NRG1: variants seen among roughly 807,000 people sequenced by gnomAD.
The protein encoded by NRG1 is pro-neuregulin-1, membrane-bound isoform.
NRG1 carries 18 observed loss-of-function variants against 63.8 expected under a neutral mutation model. The observed-to-expected ratio is 0.28, with a 90% CI of 0.19 to 0.42. The LOEUF (loss-of-function observed/expected upper bound fraction) is 0.42, where lower values mean the gene tolerates loss of function less well. NRG1 is among the 10% of genes least tolerant of loss of function. The pLI, the probability that NRG1 is intolerant of heterozygous loss-of-function variation, is 1.00. For missense variants in NRG1, 762 were observed against 814.7 expected (o/e 0.94, Z 0.79); for synonymous variants, 302 against 301.3 (o/e 1.00, Z -0.02).
chr8:32,631,655 C>A (rs1691586419), intron 5 of NRG1, among the ~76,000 whole-genome samples: 1 of 152,100 alleles, frequency 6.6e-6, no homozygotes, highest in Non-Finnish European at 1.5e-5. Flanking sequence ...ATGACATATG[C>A]ATTAATCACT....
intron 1 of NRG1, among the ~76,000 whole-genome samples, chr8:32,487,171 A>G (rs1826009045): frequency 6.6e-6 from 1 of 151,998 alleles, no homozygotes; most frequent in Admixed American, 6.5e-5. Context: ...AAAATAACGT[A>G]AAACAGTGTT....
At chr8:32,365,062 A>C (rs544064525) in intron 1 of NRG1, among the ~76,000 whole-genome samples, 1 of 146,946 alleles carries the variant, frequency 6.8e-6, no homozygotes, top group African/African-American at 2.5e-5. Flanking sequence ...GGGCTCAAGC[A>C]ATCTGCCCAC....
intron 1 of NRG1, among the ~76,000 whole-genome samples, chr8:31,826,008 G>A (rs575267512): frequency 3.7e-4 from 56 of 152,252 alleles, no homozygotes; most frequent in African/African-American, 1.2e-3. Context: ...TGGAAATCAA[G>A]AAAAGTTCAC....
chr8:32,205,799 A>G (rs1249210245), intron 1 of NRG1, among the ~76,000 whole-genome samples: 1 of 152,044 alleles, frequency 6.6e-6, no homozygotes, highest in East Asian at 1.9e-4. Context: ...AAGAAACAAA[A>G]ATAAGGAATG....
At chr8:32,759,401 T>C in exon 10 of NRG1, 6 of 1,613,970 alleles carry the variant, frequency 3.7e-6, no homozygotes, top group Admixed American at 1.7e-5. Flanking sequence ...CCACAGCCCA[T>C]CACTCCACTA....
chr8:32,685,091 A>G (rs994173663), intron 5 of NRG1, among the ~76,000 whole-genome samples: 3 of 152,162 alleles, frequency 2.0e-5, no homozygotes, highest in Admixed American at 6.6e-5. Context: ...CAACATACGG[A>G]ATATTTTCAT....
intron 1 of NRG1, among the ~76,000 whole-genome samples, chr8:32,101,377 A>G (rs1222249106): frequency 6.6e-6 from 1 of 152,136 alleles, no homozygotes; most frequent in Non-Finnish European, 1.5e-5. Flanking sequence ...TGCTCAAAAC[A>G]TAGGAAACAA....
At chr8:32,257,990 T>A (rs1849924137) in intron 1 of NRG1, among the ~76,000 whole-genome samples, 1 of 152,240 alleles carries the variant, frequency 6.6e-6, no homozygotes, top group African/African-American at 2.4e-5. Context: ...ATTTAATAGC[T>A]ATAGTCCAAG....
chr8:32,566,003 G>C (rs770042918), intron 1 of NRG1, among the ~76,000 whole-genome samples: 3 of 152,112 alleles, frequency 2.0e-5, no homozygotes, highest in Non-Finnish European at 4.4e-5. Context: ...GCACACCTAG[G>C]CATGTAGAAA....
intron 1 of NRG1, among the ~76,000 whole-genome samples, chr8:31,718,119 T>C (rs1487825501): frequency 6.6e-6 from 1 of 152,228 alleles, no homozygotes; most frequent in African/African-American, 2.4e-5. Context: ...ATCATTTTTT[T>C]GTAAGGAGTG....
chr8:32,317,653 G>A (rs1324929685), intron 1 of NRG1, among the ~76,000 whole-genome samples: 2 of 152,120 alleles, frequency 1.3e-5, no homozygotes, highest in African/African-American at 4.8e-5. Context: ...CTCCTAGCTC[G>A]AAATCACAGA....
At chr8:31,859,446 C>T (rs776401) in intron 1 of NRG1, among the ~76,000 whole-genome samples, 106,423 of 152,014 alleles carry the variant, frequency 0.7, 37,828 homozygotes, top group East Asian at 0.92. Context: ...ACCTGTACAT[C>T]TGAAGCTCGT....
chr8:32,735,959 T>G (rs1215195544), intron 6 of NRG1, among the ~76,000 whole-genome samples: 1 of 152,120 alleles, frequency 6.6e-6, no homozygotes, highest in African/African-American at 2.4e-5. Context: ...GTGTGGCCAC[T>G]CTATGTATCC....
At position 31,642,525 on chromosome 8, in the gene NRG1, T is replaced by G. The variant is rs191656410; in HGVS notation, c.37+3094T>G. ...CAGAGAATGTTTGGAAATGGAAAAC[T>G]CATGTTGTTTGGAGGAATCATATTC... On this transcript the variant is annotated intron_variant, in intron 1 of 10. Coordinates refer to the NRG1 transcript ENST00000519301. 2.6e-5 allele frequency among the ~76,000 whole-genome samples: 4 copies of G among 152,302 alleles called. No homozygotes were observed. The East Asian group carries it at 7.7e-4, about 29-fold the overall frequency.
chr8:31,946,950 T>C (rs1038459372), intron 1 of NRG1, among the ~76,000 whole-genome samples: 2 of 152,226 alleles, frequency 1.3e-5, no homozygotes, highest in African/African-American at 2.4e-5. Context: ...TGGATCTAAC[T>C]CATACTTCTG....
chr8:31,812,289 A>C (rs1167482749), intron 1 of NRG1, among the ~76,000 whole-genome samples: 1 of 152,178 alleles, frequency 6.6e-6, no homozygotes, highest in Non-Finnish European at 1.5e-5. Flanking sequence ...GGCTTCTTAA[A>C]ATACAAGTTG....
chr8:32,688,215 T>G (rs1810679479), intron 5 of NRG1, among the ~76,000 whole-genome samples: 1 of 152,202 alleles, frequency 6.6e-6, no homozygotes, highest in Non-Finnish European at 1.5e-5. Context: ...GTGACTAACA[T>G]ACGTACGAAA....
chr8:32,160,557 T>C (rs967325931), intron 1 of NRG1, among the ~76,000 whole-genome samples: 6 of 152,208 alleles, frequency 3.9e-5, no homozygotes, highest in African/African-American at 1.4e-4. Flanking sequence ...GTGAAATAAG[T>C]GAACATCTTC....
At chr8:31,855,053 AGGTGT>A (rs1239709661) in intron 1 of NRG1, among the ~76,000 whole-genome samples, 1 of 152,084 alleles carries the variant, frequency 6.6e-6, no homozygotes, top group Admixed American at 6.5e-5. Context: ...ATTTTGGAAT[AGGTGT>A]GGTGTGGTGC....
Sources: allele counts gnomAD v4.1 joint callset (sites outside exome capture counted in the v4.1 genomes callset), GRCh38; gene constraint gnomAD v4.1.1; transcripts MANE v1.5; gene names NCBI Gene and HGNC (gene_info 2026-07-23, HGNC 2026-07-21).